The following COL5A1 variants were observed in gnomAD, a reference collection of about 807,000 sequenced individuals.
COL5A1 encodes the protein collagen alpha-1(V) chain.
A neutral mutation model predicts 263.7 loss-of-function variants in COL5A1; 16 were observed. The ratio of observed to expected loss-of-function variants is 0.06; its 90% CI spans 0.04 to 0.09. The LOEUF (loss-of-function observed/expected upper bound fraction) is 0.09. Ranked by LOEUF, COL5A1 falls within the 10% of genes least tolerant of loss-of-function variation. The pLI is 1.00. For synonymous variants in COL5A1, 1,012 were observed against 1,004.5 expected (o/e 1.01, Z -0.14); for missense variants, 2,036 against 2,540.5 (o/e 0.80, Z 4.27).
chr9:134,699,210 G>C (rs189775549), intron 2 of COL5A1, among the ~76,000 whole-genome samples: 2 of 152,200 alleles, frequency 1.3e-5, no homozygotes. Flanking sequence ...GCTTGTGGCC[G>C]GGCCAGCCTG....
Position 134,750,528 on chromosome 9 carries a change from C to T in COL5A1, c.1495-14C>T, listed in dbSNP as rs1459688410. ...TTGCACTCTGACTTGTCTCTCTTGG[C>T]CCCTTGTCTTCAGGGCCCCCCTGGA... On this transcript the variant is annotated splice_polypyrimidine_tract_variant and intron_variant, in intron 11 of 65. Coordinates refer to ENST00000371817, the MANE Select transcript of COL5A1 (RefSeq NM_000093.5). 4.3e-6 allele frequency: 7 copies of T among 1,613,064 alleles called. No individual in the cohort carries two copies. The highest frequency in any genetic ancestry group is 1.1e-5 in the South Asian group (1 of 91,072).
At chr9:134,687,445 A>G (rs973924022) in intron 1 of COL5A1, among the ~76,000 whole-genome samples, 3 of 151,362 alleles carry the variant, frequency 2.0e-5, no homozygotes, top group African/African-American at 7.3e-5. Flanking sequence ...CCATCCATCC[A>G]TCCATCCATC....
At chr9:134,708,782 A>G (rs1833933602) in intron 4 of COL5A1, 1 of 459,650 alleles carries the variant, frequency 2.2e-6, no homozygotes, top group African/African-American at 2.0e-5. Flanking sequence ...GGCAAACAGC[A>G]GAGATTTATC....
intron 4 of COL5A1, among the ~76,000 whole-genome samples, chr9:134,721,038 G>A (rs888543275): frequency 6.6e-6 from 1 of 152,118 alleles, no homozygotes; most frequent in African/African-American, 2.4e-5. Flanking sequence ...AGGGTTCCGC[G>A]GGTGTCACCT....
In COL5A1 at chr9:134,691,035, C is replaced by T. The variant is rs555131723; in HGVS notation, c.233C>T (p.Thr78Ile). Residue 78 changes from threonine (T) to isoleucine (I), a missense_variant, in exon 2 of 66, where the codon ACC becomes ATC. By Grantham distance (89) the Thr-to-Ile change is moderately conservative (BLOSUM62 -1). Coordinates refer to ENST00000371817, the MANE Select transcript of COL5A1 (RefSeq NM_000093.5). ...GGCCCGGATGTCGCTTACAGAGTCA[C>T]CAAAGACGCGCAGCTCAGCGCACCC... ...SKGPDVAYRV[T>I]KDAQLSAPTK... is the part of the protein sequence containing the mutation. The T allele has an allele frequency of 8.7e-6, 14 of 1,613,674 alleles. No homozygotes were observed. Among genetic ancestry groups the T allele is most frequent in the South Asian group, 6.6e-5 (6 of 91,090 alleles).
intron 11 of COL5A1, among the ~76,000 whole-genome samples, chr9:134,749,367 G>A (rs930049653): frequency 6.6e-5 from 10 of 152,204 alleles, no homozygotes; most frequent in African/African-American, 1.2e-4. Flanking sequence ...GGTTACATCC[G>A]GAGATGAAAA....
intron 4 of COL5A1, among the ~76,000 whole-genome samples, chr9:134,707,904 G>A (rs1052485540): frequency 2.0e-5 from 3 of 152,206 alleles, no homozygotes; most frequent in Non-Finnish European, 4.4e-5. Flanking sequence ...ACAGGCGGGC[G>A]AGACTGGGTG....
rs1837930770 is a variant in COL5A1 at position 134,796,919 on chromosome 9, T to C, written c.2898+18T>C. The C allele has an allele frequency of 3.1e-6, 5 of 1,612,566 alleles. No homozygotes were observed. The South Asian group carries it at 4.4e-5, about 14-fold the overall frequency. On this transcript the variant is annotated intron_variant, in intron 36 of 65. Transcript: ENST00000371817. ...GCCCCCCTGTAAGTAATGGCTTCCT[T>C]GCTGGGCCAGCACTGCCTGTCCCCT...
At chr9:134,829,015 C>T (rs1564182280) in intron 63 of COL5A1, among the ~76,000 whole-genome samples, 1 of 152,106 alleles carries the variant, frequency 6.6e-6, no homozygotes, top group East Asian at 1.9e-4. Context: ...CACACGCACA[C>T]AGTCTGGTGC....
chr9:134,837,196 C>G (rs1839879799), intron 65 of COL5A1, among the ~76,000 whole-genome samples: 1 of 152,096 alleles, frequency 6.6e-6, no homozygotes, highest in South Asian at 2.1e-4. Flanking sequence ...AATCAGGAAC[C>G]CTGTAAAGGC....
intron 11 of COL5A1, among the ~76,000 whole-genome samples, chr9:134,747,973 T>G (rs1588499319): frequency 8.0e-6 from 1 of 124,918 alleles, no homozygotes. Context: ...ACACATGCAT[T>G]CACACACACA....
At position 134,680,664 on chromosome 9, in the gene COL5A1, C is replaced by T. The variant is rs1832826176; in HGVS notation, c.110-10248C>T. ...TGGCCATGCTGTGCACTGCACAACC[C>T]CAGGGAGCGCTGTTCTAATGCACCA... On this transcript the variant is annotated intron_variant, in intron 1 of 65. Coordinates refer to ENST00000371817, the MANE Select transcript of COL5A1 (RefSeq NM_000093.5). This position sits in a 1 kb window ranked among gnomAD's most constrained non-coding sequence, Gnocchi z 5.9. Among the ~76,000 whole-genome samples, 1 of 152,210 alleles carries T rather than the reference C, an allele frequency of 6.6e-6. No homozygotes were observed. Among genetic ancestry groups the T allele is most frequent in the South Asian group, 2.1e-4 (1 of 4,828 alleles).
At chr9:134,796,269 A>G in intron 34 of COL5A1, 105 bp from the exon 35 acceptor site, 1 of 1,271,712 alleles carries the variant, frequency 7.9e-7, no homozygotes, top group Non-Finnish European at 1.2e-6. Context: ...AGGGGTGCAC[A>G]CAGGCAATAT....
At chr9:134,835,282 T>G in intron 65 of COL5A1, 78 bp downstream of exon 65, 1 of 1,326,064 alleles carries the variant, frequency 7.5e-7, no homozygotes, top group Non-Finnish European at 1.1e-6. Context: ...CGGGTTTACC[T>G]GTCCCCAAGA....
chr9:134,646,480 G>A (rs771511509), intron 1 of COL5A1, among the ~76,000 whole-genome samples: 8 of 152,166 alleles, frequency 5.3e-5, no homozygotes, highest in Non-Finnish European at 1.2e-4. Context: ...ATTCCACACC[G>A]TGTCCCAGAG....
intron 28 of COL5A1, among the ~76,000 whole-genome samples, chr9:134,780,460 G>A (rs1017340217): frequency 1.1e-4 from 16 of 152,204 alleles, no homozygotes; most frequent in African/African-American, 3.1e-4. Context: ...GTGCCTGCAG[G>A]GGCCAGTGGA....
At chr9:134,694,840 TCACGGTGAGGTGGCCTGAGA>T (rs1404049440) in intron 2 of COL5A1, among the ~76,000 whole-genome samples, 1 of 152,138 alleles carries the variant, frequency 6.6e-6, no homozygotes, top group Non-Finnish European at 1.5e-5. Context: ...AGACATCGCC[TCACGGTGAGGTGGCCTGAGA>T]CCCTGAAGGC....
intron 20 of COL5A1, 132 bp downstream of exon 20, chr9:134,763,869 G>T (rs1836556903): frequency 1.0e-5 from 9 of 881,678 alleles, no homozygotes; most frequent in Non-Finnish European, 1.6e-5. Flanking sequence ...AGAACAGACG[G>T]ACCTGGGCAT....
intron 25 of COL5A1, among the ~76,000 whole-genome samples, chr9:134,770,097 G>T (rs1383211719): frequency 6.6e-6 from 1 of 152,206 alleles, no homozygotes; most frequent in Non-Finnish European, 1.5e-5. Context: ...AAGGTGCTTC[G>T]AGCAAAAGGA....
Sources: allele counts gnomAD v4.1 joint callset (sites outside exome capture counted in the v4.1 genomes callset), GRCh38; gene constraint gnomAD v4.1.1; non-coding constraint Gnocchi (gnomAD v3.1); transcripts MANE v1.5; gene names NCBI Gene and HGNC (gene_info 2026-07-23, HGNC 2026-07-21).